RAB4B: variants seen among roughly 807,000 people sequenced by gnomAD.
The protein encoded by RAB4B is ras-related protein Rab-4B.
A neutral mutation model predicts 28.3 loss-of-function variants in RAB4B; 15 were observed. The ratio of observed to expected loss-of-function variants is 0.53; its 90% CI spans 0.35 to 0.82. The LOEUF (loss-of-function observed/expected upper bound fraction) is 0.82. Ranked by LOEUF, RAB4B falls within the 40% of genes least tolerant of loss-of-function variation. The pLI is 0.01. For missense variants in RAB4B, 244 were observed against 288.5 expected (o/e 0.85, Z 1.12); for synonymous variants, 108 against 116.3 (o/e 0.93, Z 0.46).
intron 7 of RAB4B, among the ~76,000 whole-genome samples, chr19:40,788,652 T>C (rs2083126243): frequency 6.6e-6 from 1 of 150,898 alleles, no homozygotes; most frequent in African/African-American, 2.4e-5. Context: ...TGTGGCGTGA[T>C]CTCGGCTCAC....
chr19:40,794,997 C>CAAAAAAAAA (rs59417778), intron 7 of RAB4B, among the ~76,000 whole-genome samples: 188 of 99,112 alleles, frequency 1.9e-3, no homozygotes, highest in African/African-American at 2.3e-3. Context: ...ACTAAAAATA[C>CAAAAAAAAA]AAAAAAAAAA....
rs538211209 is a variant in RAB4B, at chr19:40,778,879, T to G, written c.16+488T>G. ...AAAGGGTGGGACTTATGCATGAGAA[T>G]GGAGCCGGGTTCTGGGCAGAGGGAG... On this transcript the variant is annotated intron_variant, in intron 1 of 7. Transcript: ENST00000357052. 8.3e-4 allele frequency among the ~76,000 whole-genome samples: 126 copies of G among 151,812 alleles called. 2 individuals are homozygous for G. The highest frequency in any genetic ancestry group is 3.0e-3 in the African/African-American group (123 of 41,362).
Position 40,780,372 on chromosome 19 carries a change from C to A in RAB4B, c.98-13C>A. The A allele has an allele frequency of 6.3e-7, 1 of 1,595,224 alleles. No individual in the cohort carries two copies. The highest frequency in any genetic ancestry group is 1.1e-5 in the South Asian group (1 of 88,522). On this transcript the variant is annotated splice_polypyrimidine_tract_variant and intron_variant, in intron 2 of 7. Transcript: ENST00000357052. ...TCTCCCTGTACTGCCCCTTCTGTTC[C>A]TCCTACTCCCAGTCAAACAGGACTC...
At chr19:40,782,705 T>C (rs1328812659) in intron 3 of RAB4B, among the ~76,000 whole-genome samples, 1 of 151,468 alleles carries the variant, frequency 6.6e-6, no homozygotes, top group Non-Finnish European at 1.5e-5. Context: ...CCCAGCTACT[T>C]GGGAGGCTGA....
chr19:40,782,650 TA>T (rs2083059669), intron 3 of RAB4B, among the ~76,000 whole-genome samples: 1 of 150,400 alleles, frequency 6.6e-6, no homozygotes, highest in South Asian at 2.1e-4. Context: ...CCATCTCTAC[TA>T]AAAATACAAA....
intron 7 of RAB4B, among the ~76,000 whole-genome samples, chr19:40,789,101 G>T (rs917965797): frequency 6.6e-6 from 1 of 151,616 alleles, no homozygotes; most frequent in Non-Finnish European, 1.5e-5. Context: ...CATCATGTTG[G>T]CCAGGCTGGT....
At chr19:40,785,096 AG>A (rs1445924145) in intron 5 of RAB4B, among the ~76,000 whole-genome samples, 1 of 151,894 alleles carries the variant, frequency 6.6e-6, no homozygotes, top group Non-Finnish European at 1.5e-5. Flanking sequence ...TACAGGCGTG[AG>A]ACACTGCGCC....
At chr19:40,787,084 G>A in intron 7 of RAB4B, 106 bp downstream of exon 7, 1 of 1,058,034 alleles carries the variant, frequency 9.5e-7, no homozygotes, top group Admixed American at 2.2e-5. Flanking sequence ...CAGAGTGAGA[G>A]AAAGATGCAA....
At position 40,796,706 on chromosome 19, in the gene RAB4B, G is replaced by A; in HGVS notation, c.*152G>A. ...CCTGGCCTGGTGGGGCCTGGCTTTG[G>A]GGCAAGACTGAGCCACGGGGGAAGG... On this transcript the variant is annotated 3_prime_UTR_variant, in exon 8 of 8. Transcript: ENST00000357052. 6.5e-6 allele frequency: 1 copy of A among 153,288 alleles called. No homozygotes were observed. The allele number at this position is 153,288 out of a possible 1,614,324, so 9.5% of individuals were successfully genotyped here. A position where few individuals can be genotyped will look rare whatever the true frequency, so the allele number is the denominator to read the frequency against.
chr19:40,789,011 A>C (rs2083130948), intron 7 of RAB4B, among the ~76,000 whole-genome samples: 1 of 151,436 alleles, frequency 6.6e-6, no homozygotes, highest in African/African-American at 2.4e-5. Context: ...CGATCTCTTG[A>C]CCTTGTGATC....
chr19:40,795,169 C>CAAA (rs1167818145), intron 7 of RAB4B, among the ~76,000 whole-genome samples: 7 of 60,336 alleles, frequency 1.2e-4, no homozygotes, highest in South Asian at 5.9e-4. Context: ...GCTCCATCTC[C>CAAA]AAAAAAAAAA....
At position 40,792,026 on chromosome 19, in the gene RAB4B, A is replaced by G. The variant is rs567276088; in HGVS notation, c.*16-4544A>G. On this transcript the variant is annotated intron_variant, in intron 7 of 7. Coordinates refer to ENST00000357052, the MANE Select transcript of RAB4B (RefSeq NM_016154.5). ...GTATGTCTTGCCAGTTCTCCCTTCT[A>G]TACTTCATGCTAAATCCCCTCCCAG... is the stretch of plus-strand genomic sequence containing the variant. Among the ~76,000 whole-genome samples, 27 of 152,294 alleles carry G rather than the reference A, an allele frequency of 1.8e-4. No homozygotes were observed. In the South Asian group the frequency reaches 5.6e-3, roughly 32 times the overall value.
At chr19:40,781,748 G>A (rs897121560) in intron 3 of RAB4B, among the ~76,000 whole-genome samples, 1 of 152,116 alleles carries the variant, frequency 6.6e-6, no homozygotes, top group Non-Finnish European at 1.5e-5. Flanking sequence ...GAGGCCGGGC[G>A]TGGTGGCTCA....
At chr19:40,791,415 G>A (rs2083158470) in intron 7 of RAB4B, among the ~76,000 whole-genome samples, 1 of 152,054 alleles carries the variant, frequency 6.6e-6, no homozygotes, top group Non-Finnish European at 1.5e-5. Context: ...CCTCAGCCTG[G>A]TGTTTGACCC....
intron 5 of RAB4B, 26 bp downstream of exon 5, chr19:40,784,101 G>T (rs1232896354): frequency 1.3e-6 from 2 of 1,584,198 alleles, no homozygotes; most frequent in Non-Finnish European, 1.7e-6. Context: ...TGGACCAGGT[G>T]GTGGTGGGGG....
chr19:40,783,800 C>G lies in RAB4B; in HGVS notation c.235C>G (p.Arg79Gly). The change falls in exon 4 of 8, where the codon CGA (arginine) becomes GGA (glycine). Residue 79 changes from arginine (R) to glycine (G), a missense_variant. Coordinates refer to ENST00000357052, the MANE Select transcript of RAB4B (RefSeq NM_016154.5). ...RFRSVTRSYY[R>G]GAAGALLVYD... ...CAGGTCAGTGACGCGGAGTTATTAC[C>G]GAGGGGCGGCTGGAGCCCTGCTGGT... 6.8e-7 allele frequency: 1 copy of G among 1,477,212 alleles called. No individual in the cohort carries two copies. The highest frequency in any genetic ancestry group is 9.1e-7 in the Non-Finnish European group (1 of 1,097,296). 91.5% of individuals were successfully genotyped at this position (1,477,212 alleles called of 1,614,324 possible).
chr19:40,787,961 CAAAA>C (rs56997006), intron 7 of RAB4B, among the ~76,000 whole-genome samples: 14 of 69,460 alleles, frequency 2.0e-4, no homozygotes, highest in Non-Finnish European at 2.1e-4. Context: ...GACTCTGTCT[CAAAA>C]AAAAAAAAAA....
In RAB4B at chr19:40,780,006, T is replaced by C; in HGVS notation, c.17-13T>C. On this transcript the variant is annotated splice_polypyrimidine_tract_variant and intron_variant, in intron 1 of 7. Transcript: ENST00000357052. ...CCCTGTGGGTATCCCTGATTTTGGC[T>C]CCATCTGGTCAGACTTCCTCTTCAA... is the stretch of plus-strand genomic sequence containing the variant. 1 of 1,612,310 alleles carries C rather than the reference T, an allele frequency of 6.2e-7. No homozygotes were observed. The highest frequency in any genetic ancestry group is 8.5e-7 in the Non-Finnish European group (1 of 1,178,354).
intron 5 of RAB4B, 126 bp from the exon 6 acceptor site, chr19:40,786,539 A>C: frequency 1.4e-6 from 2 of 1,399,394 alleles, no homozygotes; most frequent in Non-Finnish European, 1.9e-6. Context: ...TGGCATGCGC[A>C]GAGGCCTGAG....
Sources: gnomAD v4.1 joint callset for allele counts (sites outside exome capture counted in the v4.1 genomes callset) on GRCh38, gnomAD v4.1.1 for gene constraint, MANE v1.5 for transcripts, NCBI Gene and HGNC (gene_info 2026-07-23, HGNC 2026-07-21) for gene names.